Variants in RPH3A observed in about 807,000 individuals in gnomAD.
RPH3A encodes the protein rabphilin 3A.
In RPH3A, 48 loss-of-function variants were observed where a neutral mutation model predicts 102.2. That is an observed-to-expected ratio of 0.47 (90% CI 0.37 to 0.60). RPH3A has a LOEUF of 0.60. RPH3A is among the 20% of genes least tolerant of loss of function. The pLI, the probability that RPH3A is intolerant of heterozygous loss-of-function variation, is 0.00. For missense variants in RPH3A, 781 were observed against 910.1 expected (o/e 0.86, Z 1.83); for synonymous variants, 310 against 324.3 (o/e 0.96, Z 0.47).
intron 1 of RPH3A, among the ~76,000 whole-genome samples, chr12:112,699,282 A>C (rs1212721184): frequency 6.6e-6 from 1 of 152,180 alleles, no homozygotes; most frequent in Non-Finnish European, 1.5e-5. Flanking sequence ...CACACAATTA[A>C]ATTATTTATC....
chr12:112,681,200 G>T (rs1198561484), intron 1 of RPH3A, among the ~76,000 whole-genome samples: 1 of 152,098 alleles, frequency 6.6e-6, no homozygotes, highest in African/African-American at 2.4e-5. Flanking sequence ...TATGATCCTT[G>T]CTGCCACCTC....
intron 1 of RPH3A, among the ~76,000 whole-genome samples, chr12:112,679,773 G>C (rs1008294418): frequency 1.2e-4 from 18 of 152,126 alleles, no homozygotes; most frequent in Admixed American, 7.2e-4. Flanking sequence ...TGTCATACAA[G>C]GGTGAGGGCA....
In RPH3A at chr12:112,608,314, C is replaced by T. The variant is rs138381127; in HGVS notation, c.-140+32995C>T. 3.5e-3 allele frequency among the ~76,000 whole-genome samples: 525 copies of T among 152,044 alleles called. 4 individuals carry two copies. Among genetic ancestry groups the T allele is most frequent in the African/African-American group, 0.011 (471 of 41,468 alleles). On this transcript the variant is annotated intron_variant, in intron 1 of 21. Coordinates refer to the RPH3A transcript ENST00000543106. ...TATTTTTAGTAGAGATGGGGTTTCA[C>T]CATGTTGGCCAGGCTGGTCTTGAAC...
chr12:112,788,522 T>G (rs1251775348), upstream of RPH3A, among the ~76,000 whole-genome samples: 1 of 152,212 alleles, frequency 6.6e-6, no homozygotes, highest in East Asian at 1.9e-4. Context: ...GTTTGGGGGC[T>G]TCACATCATC....
chr12:112,831,131 G>A (rs904040574), intron 3 of RPH3A, among the ~76,000 whole-genome samples: 1 of 148,756 alleles, frequency 6.7e-6, no homozygotes, highest in South Asian at 2.1e-4. Flanking sequence ...ATAAAAACAG[G>A]CGGCTGACTG....
intron 1 of RPH3A, among the ~76,000 whole-genome samples, chr12:112,664,715 C>T (rs1037653254): frequency 6.6e-6 from 1 of 152,098 alleles, no homozygotes; most frequent in Non-Finnish European, 1.5e-5. Context: ...CCGCTGGTAA[C>T]TGTAGATGAT....
chr12:112,801,069 C>A (rs954798526), intron 2 of RPH3A, among the ~76,000 whole-genome samples: 2 of 152,126 alleles, frequency 1.3e-5, no homozygotes, highest in Non-Finnish European at 2.9e-5. Flanking sequence ...GGGGATGACA[C>A]CCTGTGAAGT....
chr12:112,784,271 T>C (rs1565879513), intron 1 of RPH3A, among the ~76,000 whole-genome samples: 1 of 152,192 alleles, frequency 6.6e-6, no homozygotes. Context: ...TTTTCACTTG[T>C]TCAAATTCAG....
At position 112,659,888 on chromosome 12, in the gene RPH3A, A is replaced by C. The variant is rs574046257; in HGVS notation, c.-140+84569A>C. On this transcript the variant is annotated intron_variant, in intron 1 of 21. Transcript: ENST00000543106. ...TTTGCTTTCTGGTACAGGATACTCC[A>C]GTTTCATCTTGCACTTTTCTTGCTC... Among the ~76,000 whole-genome samples, 13 of 152,212 alleles carry C rather than the reference A, an allele frequency of 8.5e-5. No individual in the cohort carries two copies. The East Asian group carries it at 2.5e-3, about 29-fold the overall frequency.
At chr12:112,853,712 C>T (rs2042363355) in intron 5 of RPH3A, among the ~76,000 whole-genome samples, 1 of 151,962 alleles carries the variant, frequency 6.6e-6, no homozygotes, top group Admixed American at 6.6e-5. Flanking sequence ...GCCTGTAATT[C>T]CAGCTACTCA....
intron 1 of RPH3A, among the ~76,000 whole-genome samples, chr12:112,755,080 T>A (rs1304768733): frequency 1.3e-5 from 2 of 152,178 alleles, no homozygotes; most frequent in African/African-American, 4.8e-5. Context: ...ACTTAGTAGG[T>A]CCTCAGTGGG....
chr12:112,611,972 G>A (rs233713), intron 1 of RPH3A, among the ~76,000 whole-genome samples: 4,144 of 152,256 alleles, frequency 0.027, 62 homozygotes, highest in Non-Finnish European at 0.037. Flanking sequence ...AGGCACATCC[G>A]CCAGAATTTC....
At chr12:112,652,661 C>T (rs2039982788) in intron 1 of RPH3A, among the ~76,000 whole-genome samples, 1 of 152,164 alleles carries the variant, frequency 6.6e-6, no homozygotes, top group Non-Finnish European at 1.5e-5. Flanking sequence ...TTTCCTCTGC[C>T]CCATGCAAAA....
chr12:112,662,736 G>A (rs1402520489), intron 1 of RPH3A, among the ~76,000 whole-genome samples: 5 of 150,944 alleles, frequency 3.3e-5, no homozygotes, highest in African/African-American at 1.2e-4. Flanking sequence ...CTGAATGGGT[G>A]TGGCTGTATT....
At chr12:112,586,297 G>C (rs2039438852) in intron 1 of RPH3A, among the ~76,000 whole-genome samples, 1 of 152,150 alleles carries the variant, frequency 6.6e-6, no homozygotes, top group African/African-American at 2.4e-5. Flanking sequence ...TACCTGCAGG[G>C]AAGGCAGGCA....
intron 1 of RPH3A, among the ~76,000 whole-genome samples, chr12:112,665,725 C>A (rs748313524): frequency 2.0e-5 from 3 of 152,086 alleles, no homozygotes; most frequent in Non-Finnish European, 4.4e-5. Flanking sequence ...TCCTTTCTTC[C>A]CCAATCTCAG....
chr12:112,786,522 C>T (rs2041053178), intron 1 of RPH3A, among the ~76,000 whole-genome samples: 1 of 152,192 alleles, frequency 6.6e-6, no homozygotes, highest in African/African-American at 2.4e-5. Context: ...AGTAGCATTT[C>T]CCTGGAGGCT....
chr12:112,636,718 C>T (rs1592919213), intron 1 of RPH3A, among the ~76,000 whole-genome samples: 1 of 152,152 alleles, frequency 6.6e-6, no homozygotes. Context: ...GAGGGCAACG[C>T]CTGGGACATT....
chr12:112,680,196 G>A (rs949163455), intron 1 of RPH3A, among the ~76,000 whole-genome samples: 1 of 152,180 alleles, frequency 6.6e-6, no homozygotes. Context: ...CCTCAAGGCT[G>A]CAGGAAGAAG....
Sources: gnomAD v4.1 joint callset for allele counts (sites outside exome capture counted in the v4.1 genomes callset) on GRCh38, gnomAD v4.1.1 for gene constraint, MANE v1.5 for transcripts, NCBI Gene and HGNC (gene_info 2026-07-23, HGNC 2026-07-21) for gene names.